The following GRM8 variants were observed in gnomAD, a reference collection of about 807,000 sequenced individuals.
GRM8 encodes the protein glutamate metabotropic receptor 8, also known as metabotropic glutamate receptor 8.
Under a neutral mutation model 87.2 loss-of-function variants are expected in GRM8, and 47 were observed. The observed-to-expected ratio is 0.54, with a 90% CI of 0.43 to 0.69. The LOEUF (loss-of-function observed/expected upper bound fraction) is 0.69. Ranked by LOEUF, GRM8 falls within the 30% of genes least tolerant of loss-of-function variation. The probability of loss-of-function intolerance (pLI) is 0.00; values close to 1 mark genes in which losing one functional copy is unlikely to be tolerated. For synonymous variants in GRM8, 396 were observed against 404.5 expected, an observed-to-expected ratio of 0.98 and a Z score of 0.25; for missense variants, 1,019 against 1,139.2, an observed-to-expected ratio of 0.89 and a Z score of 1.52.
chr7:126,538,911 T>A (rs1046528081), intron 8 of GRM8, among the ~76,000 whole-genome samples: 1 of 152,080 alleles, frequency 6.6e-6, no homozygotes, highest in African/African-American at 2.4e-5. Context: ...ATTATGTAAT[T>A]ATATGCATTA....
rs190528461 is a variant in GRM8, at chr7:126,775,627, T to C, written c.1157-5562A>G. ...GCACTAGGATCCACACATGAAAGTG[T>C]GCACCTCCCATACTGAAGACAGATG... On this transcript the variant is annotated intron_variant, in intron 6 of 10. Transcript: ENST00000339582. 3.4e-3 allele frequency among the ~76,000 whole-genome samples: 519 copies of C among 151,552 alleles called. 1 individual carries two copies. The highest frequency in any genetic ancestry group is 6.1e-3 in the Non-Finnish European group (412 of 67,978).
At chr7:127,010,312 A>G (rs1814759866) in intron 3 of GRM8, among the ~76,000 whole-genome samples, 1 of 152,182 alleles carries the variant, frequency 6.6e-6, no homozygotes, top group South Asian at 2.1e-4. Context: ...AACAGAGAAT[A>G]CTGGTTTTCT....
rs1226926918 is a variant in GRM8, at chr7:126,904,666, G to C, written c.745C>G (p.Gln249Glu). Residue 249 changes from glutamine (Q) to glutamate (E), a missense_variant, in exon 4 of 11, where the codon CAG becomes GAG. Transcript: ENST00000339582. ...SREIGGVCIA[Q>E]SQKIPREPRP... ...GGTTCACGTGGGATTTTCTGTGACT[G>C]AGCAATGCAAACACCACCTATTTAA... 1 of 1,613,590 alleles carries C rather than the reference G, an allele frequency of 6.2e-7. No individual in the cohort carries two copies. The highest frequency in any genetic ancestry group is 8.5e-7 in the Non-Finnish European group (1 of 1,179,588).
intron 6 of GRM8, among the ~76,000 whole-genome samples, chr7:126,815,567 G>T (rs1418148511): frequency 6.6e-6 from 1 of 152,062 alleles, no homozygotes; most frequent in Non-Finnish European, 1.5e-5. Flanking sequence ...TGTGCCAATA[G>T]TAATACTTCT....
chr7:126,616,742 A>G (rs1799537129), intron 7 of GRM8, among the ~76,000 whole-genome samples: 2 of 152,070 alleles, frequency 1.3e-5, no homozygotes, highest in East Asian at 3.9e-4. Flanking sequence ...AGAATACTAT[A>G]AACACCACTG....
At chr7:126,922,218 C>T (rs1299511283) in intron 3 of GRM8, among the ~76,000 whole-genome samples, 2 of 152,026 alleles carry the variant, frequency 1.3e-5, no homozygotes, top group Non-Finnish European at 2.9e-5. Context: ...TATTTTAGTA[C>T]ACTAGATTAA....
At chr7:126,938,212 C>T (rs1259828609) in intron 3 of GRM8, among the ~76,000 whole-genome samples, 1 of 152,114 alleles carries the variant, frequency 6.6e-6, no homozygotes, top group African/African-American at 2.4e-5. Flanking sequence ...TTCCCCCTTC[C>T]CATGGGCCAG....
chr7:126,478,758 CT>C (rs1051898390), intron 9 of GRM8, among the ~76,000 whole-genome samples: 2 of 152,022 alleles, frequency 1.3e-5, no homozygotes, highest in Admixed American at 6.6e-5. Flanking sequence ...GATTTGAAAA[CT>C]AGGTCGAACA....
intron 10 of GRM8, among the ~76,000 whole-genome samples, chr7:126,441,402 C>T (rs1460616185): frequency 6.6e-6 from 1 of 152,052 alleles, no homozygotes. Flanking sequence ...AATTTATACT[C>T]ATGCCTAAGC....
At chr7:127,235,878 AG>A (rs1797955774) in intron 2 of GRM8, among the ~76,000 whole-genome samples, 1 of 152,250 alleles carries the variant, frequency 6.6e-6, no homozygotes, top group South Asian at 2.1e-4. Context: ...TAAGTGAAAA[AG>A]AAAGTCATAA....
intron 3 of GRM8, among the ~76,000 whole-genome samples, chr7:126,935,161 A>G (rs1385245974): frequency 1.3e-5 from 2 of 152,206 alleles, no homozygotes; most frequent in Admixed American, 1.3e-4. Flanking sequence ...AAATCTCAGT[A>G]GAATGCAAAT....
At chr7:127,199,169 C>T (rs1795459468) in intron 2 of GRM8, among the ~76,000 whole-genome samples, 1 of 151,470 alleles carries the variant, frequency 6.6e-6, no homozygotes, top group South Asian at 2.1e-4. Flanking sequence ...AGAGGGGTCT[C>T]ACTATGTTGC....
intron 7 of GRM8, among the ~76,000 whole-genome samples, chr7:126,769,262 T>C (rs1227136781): frequency 6.6e-6 from 1 of 152,116 alleles, no homozygotes; most frequent in Non-Finnish European, 1.5e-5. Context: ...GTGAATCCAG[T>C]ATATTCTGTA....
intron 3 of GRM8, among the ~76,000 whole-genome samples, chr7:126,984,969 T>C (rs987434496): frequency 6.6e-6 from 1 of 152,002 alleles, no homozygotes; most frequent in African/African-American, 2.4e-5. Context: ...TTTTATGTAA[T>C]TAAAAGTTTC....
chr7:126,556,440 A>G (rs1793147627), intron 8 of GRM8, among the ~76,000 whole-genome samples: 1 of 151,330 alleles, frequency 6.6e-6, no homozygotes, highest in African/African-American at 2.4e-5. Flanking sequence ...TGAGGTCAGG[A>G]GTTCAAGACC....
At chr7:126,684,299 G>T (rs1807931995) in intron 7 of GRM8, among the ~76,000 whole-genome samples, 1 of 152,132 alleles carries the variant, frequency 6.6e-6, no homozygotes, top group South Asian at 2.1e-4. Flanking sequence ...TCAGCTTCAG[G>T]AAAGTGGCCC....
chr7:127,050,463 A>C (rs1375711610), intron 3 of GRM8, among the ~76,000 whole-genome samples: 4 of 152,184 alleles, frequency 2.6e-5, no homozygotes, highest in Non-Finnish European at 4.4e-5. Flanking sequence ...ACCAACCTGA[A>C]TTGTTTATTG....
chr7:126,937,909 C>T (rs1806504755), intron 3 of GRM8, among the ~76,000 whole-genome samples: 1 of 152,080 alleles, frequency 6.6e-6, no homozygotes, highest in Non-Finnish European at 1.5e-5. Flanking sequence ...GGCATATCCT[C>T]TACGTGGGAT....
intron 2 of GRM8, among the ~76,000 whole-genome samples, chr7:127,196,835 T>C (rs890342092): frequency 2.6e-5 from 4 of 152,194 alleles, no homozygotes; most frequent in African/African-American, 9.6e-5. Flanking sequence ...ATAAGAGTGC[T>C]ATCATATGGT....
Sources: allele counts gnomAD v4.1 joint callset (sites outside exome capture counted in the v4.1 genomes callset), GRCh38; gene constraint gnomAD v4.1.1; transcripts MANE v1.5; gene names NCBI Gene and HGNC (gene_info 2026-07-23, HGNC 2026-07-21).